The following IRAK3 variants were observed in gnomAD, a reference collection of about 807,000 sequenced individuals.
IRAK3 encodes interleukin 1 receptor associated kinase 3, also known as interleukin-1 receptor-associated kinase 3.
Under a neutral mutation model 56.6 loss-of-function variants are expected in IRAK3, and 57 were observed. That is an observed-to-expected ratio of 1.01 (90% CI 0.81 to 1.26). The LOEUF is 1.26. IRAK3 is among the 50% of genes most tolerant of loss of function. The probability of loss-of-function intolerance (pLI) is 0.00; values close to 1 mark genes in which losing one functional copy is unlikely to be tolerated. For missense variants in IRAK3, 703 were observed against 719.0 expected, an observed-to-expected ratio of 0.98 and a Z score of 0.25; for synonymous variants, 258 against 255.7, an observed-to-expected ratio of 1.01 and a Z score of -0.09.
At chr12:66,245,680 G>A (rs1031121350) in intron 11 of IRAK3, among the ~76,000 whole-genome samples, 2 of 151,072 alleles carry the variant, frequency 1.3e-5, no homozygotes, top group Non-Finnish European at 2.9e-5. Flanking sequence ...TATTAGGCAC[G>A]AGCCACCACG....
intron 5 of IRAK3, among the ~76,000 whole-genome samples, chr12:66,215,788 A>ACGTGCACGTGCGCGCGCGCG (rs375264640): frequency 0.16 from 20,692 of 131,056 alleles, 1,997 homozygotes; most frequent in South Asian, 0.22. Context: ...CCCAACATGC[A>ACGTGCACGTGCGCGCGCGCG]CACACACACA....
intron 5 of IRAK3, among the ~76,000 whole-genome samples, chr12:66,212,580 G>T (rs964498958): frequency 2.6e-5 from 4 of 152,212 alleles, no homozygotes; most frequent in Admixed American, 6.5e-5. Flanking sequence ...GGAGCTCACA[G>T]TCTCTCTGGT....
chr12:66,197,920 A>C (rs929546006), intron 1 of IRAK3: 8 of 985,402 alleles, frequency 8.1e-6, no homozygotes, highest in African/African-American at 3.5e-5. Context: ...AATCAAAAAA[A>C]AAACAAACAG....
intron 8 of IRAK3, among the ~76,000 whole-genome samples, chr12:66,242,846 G>T (rs923152916): frequency 6.6e-6 from 1 of 152,206 alleles, no homozygotes; most frequent in African/African-American, 2.4e-5. Flanking sequence ...GGCCGAGGCG[G>T]GTGGATCACC....
At position 66,203,754 on chromosome 12, in the gene IRAK3, A is replaced by AAAG; in HGVS notation, c.178_180dup (p.Lys60dup). 6.2e-7 allele frequency: 1 copy of AAAG among 1,614,122 alleles called. No individual in the cohort carries two copies. The highest frequency in any genetic ancestry group is 8.5e-7 in the Non-Finnish European group (1 of 1,180,006). The stretch of plus-strand genomic sequence containing the variant: ...GCTGGCTGGATGTTCGTCATATTGA[A>AAAG]AAGTATGTAGACCAAGGTAAAAGTG... On this transcript the variant is annotated inframe_insertion, in exon 2 of 12. Transcript: ENST00000261233.
rs775593881 is a variant in IRAK3, at chr12:66,228,300, G to A, written c.817G>A (p.Gly273Arg). Residue 273 changes from glycine to arginine, a missense_variant, in exon 8 of 12, where the codon GGA becomes AGA. Gly to Arg is a moderately radical substitution (Grantham distance 125). Coordinates refer to ENST00000261233, the MANE Select transcript of IRAK3 (RefSeq NM_007199.3). Reference protein sequence around the residue: ...PWHIRIGILIGISKAIHYLHN... With the variant: ...PWHIRIGILIRISKAIHYLHN... ...GCACATTCGAATCGGTATATTAATAGGAATATCCAAAGCCATTCACTACCT... is the reference window on the plus strand; with the variant it reads ...GCACATTCGAATCGGTATATTAATAAGAATATCCAAAGCCATTCACTACCT... The A allele has an allele frequency of 3.1e-6, 5 of 1,614,104 alleles. No homozygotes were observed. In the South Asian group the frequency reaches 4.4e-5, roughly 14 times the overall value.
At chr12:66,197,041 A>C (rs763196572) in intron 1 of IRAK3, 1 of 1,527,980 alleles carries the variant, frequency 6.5e-7, no homozygotes, top group African/African-American at 1.4e-5. Context: ...TCTGCAACTG[A>C]AAACAGTCAG....
chr12:66,203,439 T>A (rs1286219334), intron 1 of IRAK3, among the ~76,000 whole-genome samples: 1 of 152,130 alleles, frequency 6.6e-6, no homozygotes, highest in African/African-American at 2.4e-5. Context: ...GATAGGATCT[T>A]AGAACAGAAA....
At position 66,226,785 on chromosome 12, in the gene IRAK3, T is replaced by A. The variant is rs1261923641; in HGVS notation, c.716T>A (p.Leu239Gln). ...AYFTETEKFCLIYPYMRNGTL... is the reference protein window; with the variant it reads ...AYFTETEKFCQIYPYMRNGTL... ...TTTACAGAGACTGAGAAGTTCTGTCTGATTTATCCATACATGAGAAATGGA... is the reference window on the plus strand; with the variant it reads ...TTTACAGAGACTGAGAAGTTCTGTCAGATTTATCCATACATGAGAAATGGA... The change falls in exon 7 of 12, where the codon CTG becomes CAG. Residue 239 changes from leucine (L) to glutamine (Q), a missense_variant. Transcript: ENST00000261233. 1 of 1,610,868 alleles carries A rather than the reference T, an allele frequency of 6.2e-7. No homozygotes were observed. The highest frequency in any genetic ancestry group is 1.3e-5 in the African/African-American group (1 of 74,852).
chr12:66,189,364 C>T lies in IRAK3; in HGVS notation c.65C>T (p.Pro22Leu), dbSNP rs536546109. 284 of 1,530,620 alleles carry T rather than the reference C, an allele frequency of 1.9e-4. 1 individual carries two copies. The highest frequency in any genetic ancestry group is 1.0e-3 in the Admixed American group (53 of 50,854). The allele number at this position is 1,530,620 out of a possible 1,614,324, so 94.8% of individuals were successfully genotyped here. ...CACACGCTGCTGTTCGACCTGCCGC[C>T]CGCGCTGCTCGGAGAGCTCTGCGCT... is the stretch of plus-strand genomic sequence containing the variant. ...SAHTLLFDLP[P>L]ALLGELCAVL... is the part of the protein sequence containing the mutation. The change falls in exon 1 of 12, where the codon CCC (proline) becomes CTC (leucine). Residue 22 changes from proline (P) to leucine (L), a missense_variant. Physicochemically the swap from Pro to Leu is moderately conservative, Grantham distance 98. Transcript: ENST00000261233.
Position 66,248,001 on chromosome 12 carries a change from G to A in IRAK3, c.1621G>A (p.Glu541Lys). 1.2e-6 allele frequency: 2 copies of A among 1,601,936 alleles called. No individual in the cohort carries two copies. Among genetic ancestry groups the A allele is most frequent in the South Asian group, 1.1e-5 (1 of 89,062 alleles). The change falls in exon 12 of 12, where the codon GAA (glutamate) becomes AAA (lysine). Residue 541 changes from glutamate to lysine, a missense_variant. Coordinates refer to ENST00000261233, the MANE Select transcript of IRAK3 (RefSeq NM_007199.3). ...ACNMPSSSCEESWFPKYIVPS... is the reference protein window; with the variant it reads ...ACNMPSSSCEKSWFPKYIVPS... Reference sequence around the variant, plus strand: ...CAACATGCCCAGTTCTTCTTGTGAAGAAAGTTGGTTCCCAAAGTATATAGT... The same window carrying A: ...CAACATGCCCAGTTCTTCTTGTGAAAAAAGTTGGTTCCCAAAGTATATAGT...
chr12:66,229,116 A>T (rs2052818439), intron 8 of IRAK3, among the ~76,000 whole-genome samples: 1 of 152,224 alleles, frequency 6.6e-6, no homozygotes, highest in Admixed American at 6.5e-5. Flanking sequence ...AGTAGTAAAT[A>T]GCAATAAAAA....
chr12:66,237,761 G>A (rs2052923349), intron 8 of IRAK3, among the ~76,000 whole-genome samples: 1 of 152,150 alleles, frequency 6.6e-6, no homozygotes, highest in African/African-American at 2.4e-5. Flanking sequence ...GAGAATCTAT[G>A]GTGGGTGCTT....
chr12:66,228,444 A>G lies in IRAK3; in HGVS notation c.887+74A>G, dbSNP rs868266491. ...TCACATGTGAGTCATACTTCACACT[A>G]TTCTCTGCTGTAGTTCTCCTGGTAT... On this transcript the variant is annotated intron_variant, in intron 8 of 11. Coordinates refer to ENST00000261233, the MANE Select transcript of IRAK3 (RefSeq NM_007199.3). 39 of 967,914 alleles carry G rather than the reference A, an allele frequency of 4.0e-5. No homozygotes were observed. The African/African-American group carries it at 4.9e-4, about 12-fold the overall frequency. 60.0% of individuals were successfully genotyped at this position (967,914 alleles called of 1,614,324 possible). A position where few individuals can be genotyped will look rare whatever the true frequency, so the allele number is the denominator to read the frequency against.
chr12:66,246,314 G>T (rs1393881887), intron 11 of IRAK3, among the ~76,000 whole-genome samples: 2 of 152,146 alleles, frequency 1.3e-5, no homozygotes, highest in African/African-American at 2.4e-5. Flanking sequence ...CATCATGGAG[G>T]GGGAGCAGTG....
intron 8 of IRAK3, among the ~76,000 whole-genome samples, chr12:66,230,667 G>A (rs1468370858): frequency 6.6e-6 from 1 of 151,756 alleles, no homozygotes; most frequent in Non-Finnish European, 1.5e-5. Flanking sequence ...GCCAAGTAGG[G>A]TGGGGAAGGA....
intron 1 of IRAK3, among the ~76,000 whole-genome samples, chr12:66,200,209 T>G (rs1447545648): frequency 6.6e-6 from 1 of 152,234 alleles, no homozygotes; most frequent in East Asian, 1.9e-4. Context: ...TATGACCTTG[T>G]GTATATCAGT....
At chr12:66,217,534 T>G (rs1256284808) in intron 6 of IRAK3, among the ~76,000 whole-genome samples, 2 of 152,220 alleles carry the variant, frequency 1.3e-5, no homozygotes, top group African/African-American at 4.8e-5. Context: ...TGGTCTATAT[T>G]TCACCATTTC....
At chr12:66,224,827 G>A (rs2052769391) in intron 6 of IRAK3, among the ~76,000 whole-genome samples, 1 of 152,120 alleles carries the variant, frequency 6.6e-6, no homozygotes, top group Non-Finnish European at 1.5e-5. Flanking sequence ...CCACACCATG[G>A]GGTCTGCATC....
Sources: gnomAD v4.1 joint callset for allele counts (sites outside exome capture counted in the v4.1 genomes callset) on GRCh38, gnomAD v4.1.1 for gene constraint, MANE v1.5 for transcripts, NCBI Gene and HGNC (gene_info 2026-07-23, HGNC 2026-07-21) for gene names.